The following ITFG1 variants were observed in gnomAD, a reference collection of about 807,000 sequenced individuals.
The protein encoded by ITFG1 is integrin alpha FG-GAP repeat containing 1.
ITFG1 carries 34 observed loss-of-function variants against 81.8 expected under a neutral mutation model. The observed-to-expected ratio is 0.42, with a 90% CI of 0.32 to 0.55. The LOEUF is 0.55. ITFG1 is among the 20% of genes least tolerant of loss of function. The pLI, the probability that ITFG1 is intolerant of heterozygous loss-of-function variation, is 0.17. For synonymous variants in ITFG1, 285 were observed against 270.6 expected (o/e 1.05, Z -0.52); for missense variants, 672 against 755.4 (o/e 0.89, Z 1.29).
At chr16:47,386,349 C>G (rs1968461783) in intron 6 of ITFG1, among the ~76,000 whole-genome samples, 1 of 152,224 alleles carries the variant, frequency 6.6e-6, no homozygotes, top group South Asian at 2.1e-4. Context: ...GAAGGAAACT[C>G]TGCTTCAGGA....
At position 47,158,230 on chromosome 16, in the gene ITFG1, G is replaced by T. The variant is rs539222227; in HGVS notation, c.1779+643C>A. Among the ~76,000 whole-genome samples the T allele has an allele frequency of 3.3e-5, 5 of 152,238 alleles. No homozygotes were observed. The East Asian group carries it at 9.7e-4, about 29-fold the overall frequency. ...CGACCTCAGCCTCCTGAGTAGCTGA[G>T]ATTACAGGCTTGCATCATGGTGCCT... On this transcript the variant is annotated intron_variant, in intron 17 of 17. Coordinates refer to ENST00000320640, the MANE Select transcript of ITFG1 (RefSeq NM_030790.5).
chr16:47,318,960 A>AT (rs898739920), intron 8 of ITFG1, among the ~76,000 whole-genome samples: 2 of 152,054 alleles, frequency 1.3e-5, no homozygotes, highest in Non-Finnish European at 2.9e-5. Context: ...TCAACAAGTA[A>AT]TTTTTTTTAA....
At chr16:47,441,369 A>G (rs1969247883) in intron 5 of ITFG1, among the ~76,000 whole-genome samples, 1 of 152,212 alleles carries the variant, frequency 6.6e-6, no homozygotes, top group Admixed American at 6.5e-5. Flanking sequence ...TGGCAGAGAC[A>G]CTACAAAAAA....
rs570818033 is a variant in ITFG1 at position 47,325,918 on chromosome 16, C to T, written c.803-12095G>A. 2.0e-5 allele frequency among the ~76,000 whole-genome samples: 3 copies of T among 152,292 alleles called. No individual in the cohort carries two copies. In the East Asian group the frequency reaches 5.8e-4, roughly 29 times the overall value. On this transcript the variant is annotated intron_variant, in intron 8 of 17. Transcript: ENST00000320640. ...GTACAAGGAGGAGCTGGTACCACTCCTTATGAAACTACTCCAATCAACACA... is the reference window on the plus strand; with the variant it reads ...GTACAAGGAGGAGCTGGTACCACTCTTTATGAAACTACTCCAATCAACACA...
At chr16:47,292,822 G>A (rs1039102459) in intron 10 of ITFG1, among the ~76,000 whole-genome samples, 1 of 150,108 alleles carries the variant, frequency 6.7e-6, no homozygotes, top group Non-Finnish European at 1.5e-5. Context: ...CTTTTTTATG[G>A]TTGAGTAGTA....
At chr16:47,455,706 T>A (rs1039192921) in intron 2 of ITFG1, among the ~76,000 whole-genome samples, 3 of 147,492 alleles carry the variant, frequency 2.0e-5, no homozygotes, top group African/African-American at 7.6e-5. Flanking sequence ...GAGGTGGAGA[T>A]TGCAGTGAGC....
At chr16:47,212,113 AT>A (rs921571023) in intron 14 of ITFG1, among the ~76,000 whole-genome samples, 6 of 151,962 alleles carry the variant, frequency 3.9e-5, no homozygotes, top group Admixed American at 2.6e-4. Context: ...GTCTACAGGG[AT>A]TTTGTACTGT....
chr16:47,367,510 T>C (rs1012678464), intron 7 of ITFG1, among the ~76,000 whole-genome samples: 4 of 152,166 alleles, frequency 2.6e-5, no homozygotes, highest in African/African-American at 9.7e-5. Context: ...AGACATCCCT[T>C]TGGAGATTCT....
At chr16:47,195,117 T>C (rs979474901) in intron 14 of ITFG1, among the ~76,000 whole-genome samples, 1 of 152,202 alleles carries the variant, frequency 6.6e-6, no homozygotes, top group Admixed American at 6.6e-5. Context: ...ATTTTATAGA[T>C]TTGTCCTTAT....
chr16:47,375,766 CTATT>C, intron 7 of ITFG1, 106 bp downstream of exon 7: 1 of 746,750 alleles, frequency 1.3e-6, no homozygotes, highest in Non-Finnish European at 2.4e-6. Context: ...TTAAAGTTTT[CTATT>C]TATTGTTGAA....
intron 8 of ITFG1, among the ~76,000 whole-genome samples, chr16:47,330,965 T>G (rs565464278): frequency 2.0e-5 from 3 of 152,164 alleles, no homozygotes; most frequent in Non-Finnish European, 2.9e-5. Flanking sequence ...AGTAATCCCA[T>G]TAATGTGTAT....
At chr16:47,347,850 C>A (rs1002122856) in intron 8 of ITFG1, among the ~76,000 whole-genome samples, 1 of 152,182 alleles carries the variant, frequency 6.6e-6, no homozygotes, top group African/African-American at 2.4e-5. Flanking sequence ...ACGGAACTTC[C>A]AGAGGAACGA....
At chr16:47,211,070 G>A (rs182081050) in intron 14 of ITFG1, among the ~76,000 whole-genome samples, 24 of 152,116 alleles carry the variant, frequency 1.6e-4, no homozygotes, top group African/African-American at 5.3e-4. Flanking sequence ...ATATCCTTCC[G>A]GGGACGTGGA....
chr16:47,442,687 T>A (rs1352360767), intron 5 of ITFG1, among the ~76,000 whole-genome samples: 1 of 152,194 alleles, frequency 6.6e-6, no homozygotes, highest in Non-Finnish European at 1.5e-5. Context: ...CTGGGAAAAC[T>A]GGCTAGCCAT....
chr16:47,438,394 T>C (rs1300311758), intron 5 of ITFG1, among the ~76,000 whole-genome samples: 1 of 152,180 alleles, frequency 6.6e-6, no homozygotes, highest in East Asian at 1.9e-4. Context: ...CCTCCTCAAG[T>C]GGGTCCCTGA....
At chr16:47,433,804 CAT>C (rs1431929093) in intron 5 of ITFG1, among the ~76,000 whole-genome samples, 3 of 139,450 alleles carry the variant, frequency 2.2e-5, no homozygotes, top group Admixed American at 7.2e-5. Flanking sequence ...CACACACACA[CAT>C]ACACACACGT....
At chr16:47,366,741 T>C (rs528240675) in intron 7 of ITFG1, among the ~76,000 whole-genome samples, 2 of 152,332 alleles carry the variant, frequency 1.3e-5, no homozygotes, top group Non-Finnish European at 1.5e-5. Flanking sequence ...CTACATACTG[T>C]ATACAGGATA....
chr16:47,191,899 T>C (rs2151517787), intron 14 of ITFG1, among the ~76,000 whole-genome samples: 1 of 152,260 alleles, frequency 6.6e-6, no homozygotes, highest in East Asian at 1.9e-4. Context: ...ACAGCCTCGA[T>C]ATCCTGGGCT....
At chr16:47,418,567 G>A (rs192401443) in intron 6 of ITFG1, among the ~76,000 whole-genome samples, 1 of 152,098 alleles carries the variant, frequency 6.6e-6, no homozygotes, top group East Asian at 1.9e-4. Context: ...TGTATATCAT[G>A]GTGGGGGGAC....
Sources: gnomAD v4.1 joint callset for allele counts (sites outside exome capture counted in the v4.1 genomes callset) on GRCh38, gnomAD v4.1.1 for gene constraint, MANE v1.5 for transcripts, NCBI Gene and HGNC (gene_info 2026-07-23, HGNC 2026-07-21) for gene names.